The following NRP2 variants were observed in gnomAD, a reference collection of about 807,000 sequenced individuals.
The protein encoded by NRP2 is neuropilin 2.
Under a neutral mutation model 110.4 loss-of-function variants are expected in NRP2, and 52 were observed. The ratio of observed to expected loss-of-function variants is 0.47; its 90% CI spans 0.38 to 0.59. NRP2 has a LOEUF of 0.59. Among genes scored for constraint, NRP2 ranks in the 20% least tolerant of loss-of-function variants. NRP2 has a pLI of 0.00. For missense variants in NRP2, 1,049 were observed against 1,203.0 expected, an observed-to-expected ratio of 0.87 and a Z score of 1.89; for synonymous variants, 508 against 468.9, an observed-to-expected ratio of 1.08 and a Z score of -1.08.
intron 15 of NRP2, among the ~76,000 whole-genome samples, chr2:205,789,357 T>C (rs1307372367): frequency 6.6e-6 from 1 of 152,136 alleles, no homozygotes. Context: ...CTCGTGTGGG[T>C]GGTAAGATCC....
At chr2:205,706,439 T>G (rs1434194819) in intron 2 of NRP2, among the ~76,000 whole-genome samples, 1 of 152,106 alleles carries the variant, frequency 6.6e-6, no homozygotes, top group Non-Finnish European at 1.5e-5. Flanking sequence ...AGCAGAAGGA[T>G]TCGTGATGCA....
intron 1 of NRP2, 84 bp downstream of exon 1, chr2:205,683,447 C>T: frequency 3.1e-6 from 3 of 962,626 alleles, no homozygotes; most frequent in East Asian, 2.5e-5. Flanking sequence ...CCACGCAGAA[C>T]GGCACAGAAG....
intron 12 of NRP2, among the ~76,000 whole-genome samples, chr2:205,754,868 C>A (rs1441769388): frequency 6.6e-6 from 1 of 152,160 alleles, no homozygotes; most frequent in East Asian, 1.9e-4. Context: ...AAGGATATAG[C>A]CGGGGTCCTC....
chr2:205,765,665 C>A (rs199821524), intron 14 of NRP2, 95 bp downstream of exon 14: 20 of 1,064,866 alleles, frequency 1.9e-5, no homozygotes, highest in Non-Finnish European at 2.8e-5. Flanking sequence ...CCAATGCAGT[C>A]GTTACCCAGT....
rs1247112255 is a variant in NRP2 at position 205,740,624 on chromosome 2, A to G, written c.1252A>G (p.Ile418Val). 2.5e-6 allele frequency: 4 copies of G among 1,614,124 alleles called. No individual in the cohort carries two copies. The highest frequency in any genetic ancestry group is 1.3e-5 in the African/African-American group (1 of 74,942). The change falls in exon 8 of 17, where the codon ATC (isoleucine) becomes GTC (valine). Residue 418 changes from isoleucine (I) to valine (V), a missense_variant. By Grantham distance (29) the Ile-to-Val change is conservative (BLOSUM62 3). Coordinates refer to ENST00000357785, the MANE Select transcript of NRP2 (RefSeq NM_003872.3). ...RIRPQTWHSG[I>V]ALRLELFGCR... Reference sequence around the variant, plus strand: ...CCGCCCTCAGACCTGGCACTCAGGTATCGCCCTCCGGCTGGAGCTCTTCGG... The same window carrying G: ...CCGCCCTCAGACCTGGCACTCAGGTGTCGCCCTCCGGCTGGAGCTCTTCGG...
intron 3 of NRP2, among the ~76,000 whole-genome samples, chr2:205,721,241 C>CCCAGAGGA (rs1448441931): frequency 4.2e-4 from 64 of 152,218 alleles, no homozygotes; most frequent in African/African-American, 1.4e-3. Context: ...CAGTGTGAGC[C>CCCAGAGGA]CCAGAGGACA....
At chr2:205,759,386 A>T (rs2057785596) in intron 12 of NRP2, 1 of 152,226 alleles carries the variant, frequency 6.6e-6, no homozygotes, top group Non-Finnish European at 1.5e-5. Flanking sequence ...GTTGTAACCT[A>T]GAAAACACAC....
intron 11 of NRP2, among the ~76,000 whole-genome samples, chr2:205,751,008 G>T (rs1575627107): frequency 6.6e-6 from 1 of 152,314 alleles, no homozygotes; most frequent in East Asian, 1.9e-4. Flanking sequence ...GACACTGTTG[G>T]TCGGGGTTAG....
intron 15 of NRP2, among the ~76,000 whole-genome samples, chr2:205,785,224 C>T (rs1327994861): frequency 1.3e-5 from 2 of 152,216 alleles, no homozygotes; most frequent in South Asian, 2.1e-4. Flanking sequence ...CATTTTCTCA[C>T]TTGTCCAAGG....
chr2:205,751,674 A>G (rs1373953197), intron 11 of NRP2, among the ~76,000 whole-genome samples: 1 of 152,114 alleles, frequency 6.6e-6, no homozygotes, highest in Non-Finnish European at 1.5e-5. Context: ...CCTGCCCCCC[A>G]TGAGGTGAGC....
intron 7 of NRP2, among the ~76,000 whole-genome samples, chr2:205,736,219 G>A (rs1160107503): frequency 6.6e-6 from 1 of 152,120 alleles, no homozygotes; most frequent in Non-Finnish European, 1.5e-5. Flanking sequence ...GCGCATACCT[G>A]TAATCCCAGC....
chr2:205,741,431 A>G (rs1425195790), intron 8 of NRP2, among the ~76,000 whole-genome samples: 1 of 152,192 alleles, frequency 6.6e-6, no homozygotes. Context: ...CACGGTGGCA[A>G]GAGGGACCAA....
intron 15 of NRP2, among the ~76,000 whole-genome samples, chr2:205,780,056 G>A (rs140217214): frequency 7.9e-5 from 12 of 152,240 alleles, no homozygotes; most frequent in East Asian, 3.9e-4. Flanking sequence ...AAAGGGCTCC[G>A]GGAGAGTGGT....
intron 10 of NRP2, among the ~76,000 whole-genome samples, chr2:205,746,642 G>A (rs113231938): frequency 5.3e-5 from 8 of 152,302 alleles, no homozygotes; most frequent in African/African-American, 1.9e-4. Flanking sequence ...AGCCACTGGG[G>A]CTCAGGGACT....
rs1358592311 is a variant in NRP2 at position 205,743,373 on chromosome 2, C to T, written c.1462C>T (p.Leu488Phe). 1.2e-6 allele frequency: 2 copies of T among 1,614,220 alleles called. No individual in the cohort carries two copies. Among genetic ancestry groups the T allele is most frequent in the Non-Finnish European group, 1.7e-6 (2 of 1,180,038 alleles). Residue 488 changes from leucine to phenylalanine, a missense_variant, in exon 9 of 17, where the codon CTT becomes TTT. Physicochemically the swap from Leu to Phe is conservative, Grantham distance 22. Transcript: ENST00000357785. ...TCAGGCCCAGCCCGGTGAGGAGTGG[C>T]TTCAGGTAGATCTGGGAACACCCAA... ...IPQAQPGEEW[L>F]QVDLGTPKTV...
intron 3 of NRP2, among the ~76,000 whole-genome samples, chr2:205,719,721 T>G (rs371850130): frequency 1.4e-4 from 21 of 152,320 alleles, no homozygotes; most frequent in African/African-American, 4.8e-4. Flanking sequence ...GAATTCACCT[T>G]CTGCGGGGAA....
intron 15 of NRP2, chr2:205,767,584 A>C (rs2057947702): frequency 3.3e-6 from 1 of 306,200 alleles, no homozygotes; most frequent in South Asian, 2.6e-5. Flanking sequence ...GTTATAAAAA[A>C]AAAAAAAGGC....
chr2:205,792,340 G>A, intron 16 of NRP2, 55 bp downstream of exon 16: 1 of 1,326,290 alleles, frequency 7.5e-7, no homozygotes, highest in Admixed American at 1.7e-5. Context: ...TGGTTATAAA[G>A]GTGTCAACAA....
intron 2 of NRP2, among the ~76,000 whole-genome samples, chr2:205,715,774 T>G (rs2056882938): frequency 6.6e-6 from 1 of 152,208 alleles, no homozygotes; most frequent in African/African-American, 2.4e-5. Flanking sequence ...GATATTTTTA[T>G]CCTCATCTTA....
Sources: gnomAD v4.1 joint callset for allele counts (sites outside exome capture counted in the v4.1 genomes callset) on GRCh38, gnomAD v4.1.1 for gene constraint, MANE v1.5 for transcripts, NCBI Gene and HGNC (gene_info 2026-07-23, HGNC 2026-07-21) for gene names.